The following NRG3 variants were observed in gnomAD, a reference collection of about 807,000 sequenced individuals.
The protein encoded by NRG3 is neuregulin 3.
Under a neutral mutation model 66.9 loss-of-function variants are expected in NRG3, and 31 were observed. That is an observed-to-expected ratio of 0.46 (90% CI 0.35 to 0.63). NRG3 has a LOEUF of 0.63. NRG3 is among the 20% of genes least tolerant of loss of function. NRG3 has a pLI of 0.00. For synonymous variants in NRG3, 393 were observed against 359.4 expected, an observed-to-expected ratio of 1.09 and a Z score of -1.06; for missense variants, 910 against 878.9, an observed-to-expected ratio of 1.04 and a Z score of -0.45.
At chr10:82,172,803 A>G (rs1255472404) in intron 1 of NRG3, among the ~76,000 whole-genome samples, 1 of 152,106 alleles carries the variant, frequency 6.6e-6, no homozygotes, top group East Asian at 1.9e-4. Context: ...GTAAAGACCC[A>G]TCCTAACACT....
At chr10:82,861,037 T>C (rs1446532170) in intron 3 of NRG3, among the ~76,000 whole-genome samples, 1 of 152,172 alleles carries the variant, frequency 6.6e-6, no homozygotes, top group Non-Finnish European at 1.5e-5. Context: ...CTGTTCTTCA[T>C]GGATTTTCAT....
chr10:82,557,291 G>A (rs1023758713), intron 2 of NRG3, among the ~76,000 whole-genome samples: 23 of 151,996 alleles, frequency 1.5e-4, no homozygotes, highest in African/African-American at 4.8e-4. Context: ...TCACAACCTC[G>A]TAAGCATTTA....
chr10:82,786,670 AT>A (rs2060378622), intron 3 of NRG3, among the ~76,000 whole-genome samples: 1 of 152,140 alleles, frequency 6.6e-6, no homozygotes, highest in African/African-American at 2.4e-5. Flanking sequence ...AAAAGAATTT[AT>A]TTTGTGTGTG....
intron 8 of NRG3, among the ~76,000 whole-genome samples, chr10:82,979,507 G>A (rs773890734): frequency 1.3e-5 from 2 of 152,118 alleles, no homozygotes; most frequent in Non-Finnish European, 1.5e-5. Context: ...TGAACAATAC[G>A]CTAAACAATA....
intron 2 of NRG3, among the ~76,000 whole-genome samples, chr10:82,371,755 G>T (rs1055168725): frequency 6.6e-6 from 1 of 152,196 alleles, no homozygotes; most frequent in African/African-American, 2.4e-5. Context: ...TCCACTCCTG[G>T]AGGAAGGTGA....
intron 4 of NRG3, among the ~76,000 whole-genome samples, chr10:82,921,974 A>G (rs374311086): frequency 6.6e-6 from 1 of 152,160 alleles, no homozygotes; most frequent in Non-Finnish European, 1.5e-5. Context: ...CATGGACATT[A>G]AAGTATTTTG....
At chr10:82,340,143 G>A (rs1271193827) in intron 1 of NRG3, among the ~76,000 whole-genome samples, 1 of 152,144 alleles carries the variant, frequency 6.6e-6, no homozygotes, top group African/African-American at 2.4e-5. Flanking sequence ...GTTGGGGCTA[G>A]TGTTAGAGTT....
chr10:82,412,989 C>T (rs941854787), intron 2 of NRG3, among the ~76,000 whole-genome samples: 4 of 152,148 alleles, frequency 2.6e-5, no homozygotes, highest in Non-Finnish European at 4.4e-5. Context: ...CAGTTACTTC[C>T]TCCACTGAAG....
At chr10:82,978,334 G>T (rs899656560) in intron 7 of NRG3, among the ~76,000 whole-genome samples, 16 of 152,122 alleles carry the variant, frequency 1.1e-4, no homozygotes, top group African/African-American at 3.6e-4. Flanking sequence ...GCATTTGGAT[G>T]TATGAGTCAA....
At chr10:82,207,611 A>G (rs965332107) in intron 1 of NRG3, among the ~76,000 whole-genome samples, 1 of 152,122 alleles carries the variant, frequency 6.6e-6, no homozygotes, top group African/African-American at 2.4e-5. Context: ...AGAAATACCC[A>G]AGCCTGGCTA....
intron 2 of NRG3, among the ~76,000 whole-genome samples, chr10:82,595,833 A>G (rs2047243640): frequency 6.6e-6 from 1 of 152,110 alleles, no homozygotes; most frequent in Admixed American, 6.5e-5. Flanking sequence ...TTCAGCTTGA[A>G]TTCTAGTTCA....
In NRG3 at chr10:82,521,356, A is replaced by G. The variant is rs550022732; in HGVS notation, c.953+162488A>G. ...TTGGGGTGATTACGGACTTTTTTTTATTTTGAGACAGTCTCGCACTGTCGC... is the reference window on the plus strand; with the variant it reads ...TTGGGGTGATTACGGACTTTTTTTTGTTTTGAGACAGTCTCGCACTGTCGC... On this transcript the variant is annotated intron_variant, in intron 2 of 8. Transcript: ENST00000372141. Among the ~76,000 whole-genome samples the G allele has an allele frequency of 2.0e-3, 297 of 151,730 alleles. 1 individual carries two copies. The highest frequency in any genetic ancestry group is 3.5e-3 in the Non-Finnish European group (239 of 67,912).
At chr10:82,224,121 T>G (rs975821873) in intron 1 of NRG3, 2 of 152,228 alleles carry the variant, frequency 1.3e-5, no homozygotes, top group African/African-American at 2.4e-5. Flanking sequence ...AATTGTGTAT[T>G]TATTTACAAG....
At chr10:82,292,566 A>G (rs2079811144) in intron 1 of NRG3, among the ~76,000 whole-genome samples, 1 of 152,220 alleles carries the variant, frequency 6.6e-6, no homozygotes, top group Non-Finnish European at 1.5e-5. Flanking sequence ...CAGACTAACC[A>G]AAAATTAAAA....
At chr10:82,556,545 T>C (rs1424270247) in intron 2 of NRG3, among the ~76,000 whole-genome samples, 1 of 152,202 alleles carries the variant, frequency 6.6e-6, no homozygotes, top group African/African-American at 2.4e-5. Context: ...TCTGCCCTTC[T>C]TCTCTCTGTG....
intron 2 of NRG3, among the ~76,000 whole-genome samples, chr10:82,364,826 A>G (rs564098372): frequency 6.6e-6 from 1 of 152,330 alleles, no homozygotes; most frequent in Non-Finnish European, 1.5e-5. Context: ...TGGAAAAAGA[A>G]TAAGACAGCC....
intron 1 of NRG3, among the ~76,000 whole-genome samples, chr10:82,245,023 C>T (rs61863010): frequency 0.11 from 16,723 of 152,174 alleles, 1,043 homozygotes; most frequent in Non-Finnish European, 0.15. Context: ...AGCCACCGCA[C>T]CCAGCCAGTG....
chr10:82,909,022 G>T (rs11196410), intron 4 of NRG3, among the ~76,000 whole-genome samples: 1 of 151,960 alleles, frequency 6.6e-6, no homozygotes, highest in Non-Finnish European at 1.5e-5. Flanking sequence ...GACCCCATTA[G>T]CACTGTCCTC....
intron 3 of NRG3, among the ~76,000 whole-genome samples, chr10:82,776,472 C>T (rs758415065): frequency 9.2e-5 from 14 of 152,100 alleles, no homozygotes; most frequent in Non-Finnish European, 1.9e-4. Context: ...TATCTCTCAC[C>T]CAACTTGGGA....
Sources: allele counts gnomAD v4.1 joint callset (sites outside exome capture counted in the v4.1 genomes callset), GRCh38; gene constraint gnomAD v4.1.1; transcripts MANE v1.5; gene names NCBI Gene and HGNC (gene_info 2026-07-23, HGNC 2026-07-21).